The following CENPE variants were observed in gnomAD, a reference collection of about 807,000 sequenced individuals.
The protein encoded by CENPE is centromere-associated protein E.
A neutral mutation model predicts 336.1 loss-of-function variants in CENPE; 145 were observed. The ratio of observed to expected loss-of-function variants is 0.43; its 90% CI spans 0.38 to 0.50. The LOEUF is 0.50. Ranked by LOEUF, CENPE falls within the 20% of genes least tolerant of loss-of-function variation. The pLI, the probability that CENPE is intolerant of heterozygous loss-of-function variation, is 0.00. For missense variants in CENPE, 2,719 were observed against 3,023.3 expected (o/e 0.90, Z 2.36); for synonymous variants, 1,013 against 984.8 (o/e 1.03, Z -0.54).
Position 103,146,051 on chromosome 4 carries a change from AT to A in CENPE, c.4190del (p.Asn1397MetfsTer7). The A allele has an allele frequency of 1.2e-6, 2 of 1,613,756 alleles. No individual in the cohort carries two copies. Among genetic ancestry groups the A allele is most frequent in the Non-Finnish European group, 8.5e-7 (1 of 1,179,846 alleles). On this transcript the variant is annotated frameshift_variant, in exon 30 of 49. Transcript: ENST00000265148. LOFTEE classifies it high-confidence loss of function. Reference sequence around the variant, plus strand: ...TCTCACTCACGATTTTGGTAGTTTCATTGTCTTTTTCTTTCATATTTAAGGA... The same window carrying A: ...TCTCACTCACGATTTTGGTAGTTTCATGTCTTTTTCTTTCATATTTAAGGA... The part of the protein sequence containing the change: ...EQSLNMKEKD[N>X]ETTKIVSEME...
At chr4:103,165,882 A>T (rs1307799204) in intron 16 of CENPE, among the ~76,000 whole-genome samples, 6 of 149,290 alleles carry the variant, frequency 4.0e-5, no homozygotes, top group Admixed American at 6.7e-5. Flanking sequence ...TGTGTTTTAA[A>T]AAAAAAAAAA....
intron 38 of CENPE, among the ~76,000 whole-genome samples, chr4:103,139,568 AAC>A (rs1428809516): frequency 2.6e-5 from 4 of 152,154 alleles, no homozygotes; most frequent in African/African-American, 9.7e-5. Flanking sequence ...AGACTGCTTT[AAC>A]ACAGTTTATA....
chr4:103,181,116 A>T (rs1179778806), intron 12 of CENPE, among the ~76,000 whole-genome samples: 1 of 152,156 alleles, frequency 6.6e-6, no homozygotes, highest in Admixed American at 6.5e-5. Flanking sequence ...CCCGTTGAAA[A>T]TAAAAAACAA....
rs772048846 is a variant in CENPE at position 103,176,001 on chromosome 4, T to C, written c.1438A>G (p.Ser480Gly). 6.2e-7 allele frequency: 1 copy of C among 1,607,616 alleles called. No individual in the cohort carries two copies. Among genetic ancestry groups the C allele is most frequent in the East Asian group, 2.2e-5 (1 of 44,494 alleles). ...DVFSNTLDTL[S>G]EIEWNPATKL... ...GTTGCTGGATTCCATTCTATCTCAC[T>C]TAATGTATCAAGAGTGTTACTGAAA... The change falls in exon 15 of 49, where the codon AGT (serine) becomes GGT (glycine). Residue 480 changes from serine (S) to glycine (G), a missense_variant. Physicochemically the swap from Ser to Gly is moderately conservative, Grantham distance 56. Around this residue, in one of 5 missense-constraint regions of CENPE, gnomAD observed 2,437 missense variants for 2,513.3 expected, o/e 0.97. Coordinates refer to ENST00000265148, the MANE Select transcript of CENPE (RefSeq NM_001813.3).
chr4:103,136,239 G>A lies in CENPE; in HGVS notation c.6424C>T (p.Leu2142Phe), dbSNP rs1311004014. 2 of 1,613,472 alleles carry A rather than the reference G, an allele frequency of 1.2e-6. No homozygotes were observed. Among genetic ancestry groups the A allele is most frequent in the Non-Finnish European group, 1.7e-6 (2 of 1,179,692 alleles). The change falls in exon 40 of 49, where the codon CTC becomes TTC. Residue 2142 changes from leucine (L) to phenylalanine (F), a missense_variant. By Grantham distance (22) the Leu-to-Phe change is conservative (BLOSUM62 0). Transcript: ENST00000265148. ...KELSMRVKANLSLPYLQTKHI... is the reference protein window; with the variant it reads ...KELSMRVKANFSLPYLQTKHI... ...TTGGTTTGTAAATAGGGAAGTGAGAGGTTTGCTTTAACTCTCATTGAAAGC... is the reference window on the plus strand; with the variant it reads ...TTGGTTTGTAAATAGGGAAGTGAGAAGTTTGCTTTAACTCTCATTGAAAGC...
Position 103,149,101 on chromosome 4 carries a change from A to G in CENPE, c.3687+17T>C. 2 of 1,580,504 alleles carry G rather than the reference A, an allele frequency of 1.3e-6. No individual in the cohort carries two copies. The highest frequency in any genetic ancestry group is 1.7e-6 in the Non-Finnish European group (2 of 1,170,238). On this transcript the variant is annotated intron_variant, in intron 27 of 48. Transcript: ENST00000265148. ...AAAAGAAACACTTAATAGATGAAGG[A>G]AAAGGGTATAACTTACTGTAGCTTC...
In CENPE at chr4:103,145,964, C is replaced by T. The variant is rs1457800164; in HGVS notation, c.4278G>A (p.Leu1426=). The T allele has an allele frequency of 6.2e-7, 1 of 1,613,912 alleles. No homozygotes were observed. Among genetic ancestry groups the T allele is most frequent in the Non-Finnish European group, 8.5e-7 (1 of 1,179,922 alleles). The change falls in exon 30 of 49, where the codon TTG becomes TTA. Residue 1426 remains leucine (L), a synonymous_variant. Transcript: ENST00000265148. ...LLRIEIEMLG[L]SKRLQESHDE... The stretch of plus-strand genomic sequence containing the variant: ...CATGACTTTCTTGAAGTCTTTTGGA[C>T]AATCCGAGCATTTCTATTTCTATCC...
rs748281404 is a variant in CENPE at position 103,145,691 on chromosome 4, T to C, written c.4414-10A>G. On this transcript the variant is annotated splice_polypyrimidine_tract_variant and intron_variant, in intron 30 of 48. Transcript: ENST00000265148. ...CTTCAGTTTCCAGGTGCTTTATTATTAGAGGAAATTCCAATAAATTTATAG... is the reference window on the plus strand; with the variant it reads ...CTTCAGTTTCCAGGTGCTTTATTATCAGAGGAAATTCCAATAAATTTATAG... 29 of 1,565,334 alleles carry C rather than the reference T, an allele frequency of 1.9e-5. No individual in the cohort carries two copies. Among genetic ancestry groups the C allele is most frequent in the Middle Eastern group, 1.7e-4 (1 of 5,840 alleles).
rs899869707 is a variant in CENPE, at chr4:103,152,655, G to A, written c.3237+392C>T. On this transcript the variant is annotated intron_variant, in intron 25 of 48. Coordinates refer to ENST00000265148, the MANE Select transcript of CENPE (RefSeq NM_001813.3). ...TAGGAAAAAGAATAAAAAAATTATG[G>A]CGTATTAATACAATGAACTATTCCT... 2.6e-5 allele frequency among the ~76,000 whole-genome samples: 4 copies of A among 152,192 alleles called. No homozygotes were observed. In the South Asian group the frequency reaches 6.2e-4, roughly 24 times the overall value.
chr4:103,162,030 T>C (rs1373566359), intron 18 of CENPE, among the ~76,000 whole-genome samples: 1 of 152,114 alleles, frequency 6.6e-6, no homozygotes, highest in Non-Finnish European at 1.5e-5. Context: ...AAAAAATTAA[T>C]AAATTAATAC....
chr4:103,140,230 C>T, intron 37 of CENPE, 26 bp downstream of exon 37: 1 of 1,567,982 alleles, frequency 6.4e-7, no homozygotes, highest in Non-Finnish European at 8.6e-7. Flanking sequence ...CAGTTACTTC[C>T]AAAAGAAGAA....
At chr4:103,158,102 C>A (rs1204670777) in intron 24 of CENPE, among the ~76,000 whole-genome samples, 198 bp downstream of exon 24, 1 of 151,540 alleles carries the variant, frequency 6.6e-6, no homozygotes, top group Non-Finnish European at 1.5e-5. Flanking sequence ...ATTTTTGGGC[C>A]CTTTCCCTTT....
At chr4:103,183,746 C>T (rs1424615681) in intron 9 of CENPE, among the ~76,000 whole-genome samples, 2 of 152,030 alleles carry the variant, frequency 1.3e-5, no homozygotes, top group Non-Finnish European at 2.9e-5. Context: ...CACTTTTATC[C>T]CCATTCAACC....
At chr4:103,163,300 G>C in intron 17 of CENPE, 44 bp from the exon 18 acceptor site, 1 of 1,547,324 alleles carries the variant, frequency 6.5e-7, no homozygotes. Flanking sequence ...AATCTGATTT[G>C]AAGTCTAAGG....
At chr4:103,179,112 A>G (rs1394559573) in intron 13 of CENPE, among the ~76,000 whole-genome samples, 1 of 152,156 alleles carries the variant, frequency 6.6e-6, no homozygotes, top group African/African-American at 2.4e-5. Flanking sequence ...AATTGCTTGC[A>G]AGTCATTCCG....
chr4:103,144,022 C>T (rs920514743), intron 33 of CENPE, among the ~76,000 whole-genome samples: 1 of 152,016 alleles, frequency 6.6e-6, no homozygotes, highest in Non-Finnish European at 1.5e-5. Context: ...CTGCAACCTC[C>T]GCCTCCTGGG....
At chr4:103,110,443 T>A (rs1219547398) in intron 47 of CENPE, among the ~76,000 whole-genome samples, 1 of 152,208 alleles carries the variant, frequency 6.6e-6, no homozygotes, top group Non-Finnish European at 1.5e-5. Context: ...CTCTTCCACG[T>A]GGTAGAAGCC....
chr4:103,116,435 T>C, intron 45 of CENPE, 142 bp downstream of exon 45: 3 of 485,224 alleles, frequency 6.2e-6, no homozygotes, highest in Non-Finnish European at 1.1e-5. Flanking sequence ...TTAAAATCTA[T>C]GGATGTGTAC....
chr4:103,183,040 A>G (rs1249435845), intron 10 of CENPE, 149 bp from the exon 11 acceptor site: 1 of 948,040 alleles, frequency 1.1e-6, no homozygotes, highest in Non-Finnish European at 1.5e-6. Flanking sequence ...ACTAAAAAAT[A>G]TTTAAAACAG....
Sources: gnomAD v4.1 joint callset for allele counts (sites outside exome capture counted in the v4.1 genomes callset) on GRCh38, gnomAD v4.1.1 for gene constraint, gnomAD v4.1.1 regional missense constraint, MANE v1.5 for transcripts, NCBI Gene and HGNC (gene_info 2026-07-23, HGNC 2026-07-21) for gene names.